Variants in ABI3BP observed in about 807,000 individuals in gnomAD.
ABI3BP encodes the protein ABI family member 3 binding protein, also known as target of Nesh-SH3.
ABI3BP carries 216 observed loss-of-function variants against 268.6 expected under a neutral mutation model. The ratio of observed to expected loss-of-function variants is 0.80; its 90% CI spans 0.72 to 0.90. ABI3BP has a LOEUF of 0.90. ABI3BP is among the 40% of genes least tolerant of loss of function. The pLI is 0.00. For missense variants in ABI3BP, 2,090 were observed against 2,182.4 expected (o/e 0.96, Z 0.84); for synonymous variants, 730 against 730.0 (o/e 1.00, Z 0.00).
intron 4 of ABI3BP, among the ~76,000 whole-genome samples, chr3:100,894,327 G>A (rs1446802770): frequency 6.6e-6 from 1 of 152,136 alleles, no homozygotes; most frequent in Non-Finnish European, 1.5e-5. Context: ...GTCATGTTGA[G>A]TTTGAGGTAA....
At chr3:100,920,093 A>C (rs532736800) in intron 2 of ABI3BP, among the ~76,000 whole-genome samples, 1 of 152,282 alleles carries the variant, frequency 6.6e-6, no homozygotes, top group Non-Finnish European at 1.5e-5. Context: ...CTTGGGTATG[A>C]TAGATGGGCA....
intron 36 of ABI3BP, among the ~76,000 whole-genome samples, chr3:100,824,503 G>T (rs2098327252): frequency 6.6e-6 from 1 of 152,162 alleles, no homozygotes; most frequent in Non-Finnish European, 1.5e-5. Flanking sequence ...GCCAGCATGG[G>T]AACGGGAATA....
chr3:100,790,433 G>T lies in ABI3BP; in HGVS notation c.4025-917C>A, dbSNP rs565357275. Among the ~76,000 whole-genome samples, 13 of 152,032 alleles carry T rather than the reference G, an allele frequency of 8.6e-5. 1 individual carries two copies. The highest frequency in any genetic ancestry group is 3.1e-4 in the African/African-American group (13 of 41,492). On this transcript the variant is annotated intron_variant, in intron 55 of 67. Coordinates refer to ENST00000471714, the MANE Select transcript of ABI3BP (RefSeq NM_001375547.2). ...TGTAAGTAGATTACATCATTTTAATGATTTTATTCACATATTGAGTGGATA... is the reference window on the plus strand; with the variant it reads ...TGTAAGTAGATTACATCATTTTAATTATTTTATTCACATATTGAGTGGATA...
intron 1 of ABI3BP, among the ~76,000 whole-genome samples, chr3:100,939,287 T>G (rs1458485923): frequency 6.6e-6 from 1 of 152,126 alleles, no homozygotes; most frequent in East Asian, 1.9e-4. Context: ...GTTCAGGTTA[T>G]GCAGTGAAAA....
intron 6 of ABI3BP, among the ~76,000 whole-genome samples, chr3:100,883,579 TA>T: frequency 6.6e-6 from 1 of 152,060 alleles, no homozygotes; most frequent in East Asian, 1.9e-4. Flanking sequence ...AAAATTAAGA[TA>T]ACAATTATAA....
rs943953623 is a variant in ABI3BP at position 100,861,507 on chromosome 3, CA to C, written c.1285+803del. Among the ~76,000 whole-genome samples the C allele has an allele frequency of 4.6e-5, 7 of 152,044 alleles. No homozygotes were observed. In the East Asian group the frequency reaches 1.3e-3, roughly 29 times the overall value. On this transcript the variant is annotated intron_variant, in intron 14 of 67. Coordinates refer to ENST00000471714, the MANE Select transcript of ABI3BP (RefSeq NM_001375547.2). ...AATTAAAATACAAATAAGCAAAACA[CA>C]AAAATCATGGAAGTAATCATAAAGG... is the stretch of plus-strand genomic sequence containing the variant.
chr3:100,751,679 A>G lies in ABI3BP; in HGVS notation c.5123-5T>C. On this transcript the variant is annotated splice_region_variant and splice_polypyrimidine_tract_variant and intron_variant, in intron 66 of 67. Coordinates refer to ENST00000471714, the MANE Select transcript of ABI3BP (RefSeq NM_001375547.2). ...CACCTATGTTATAAAATTTTCCTGAAGAACCAGAAATTAAAAGGATAAAGT... is the reference window on the plus strand; with the variant it reads ...CACCTATGTTATAAAATTTTCCTGAGGAACCAGAAATTAAAAGGATAAAGT... The G allele has an allele frequency of 6.3e-7, 1 of 1,584,770 alleles. No individual in the cohort carries two copies.
intron 63 of ABI3BP, among the ~76,000 whole-genome samples, chr3:100,756,293 G>GCTC (rs1230920924): frequency 6.6e-6 from 1 of 152,210 alleles, no homozygotes; most frequent in Non-Finnish European, 1.5e-5. Context: ...GGGAGGCCGA[G>GCTC]GCAGGCAGAT....
chr3:100,967,730 C>T (rs1449979604), intron 1 of ABI3BP, among the ~76,000 whole-genome samples: 2 of 152,010 alleles, frequency 1.3e-5, no homozygotes, highest in African/African-American at 4.8e-5. Context: ...ACTAACTTGA[C>T]CTTTAAGTTT....
chr3:100,904,213 C>T (rs1435220587), intron 2 of ABI3BP, among the ~76,000 whole-genome samples: 1 of 152,142 alleles, frequency 6.6e-6, no homozygotes, highest in Non-Finnish European at 1.5e-5. Context: ...ATAACTGGGG[C>T]AGGGTTGACT....
intron 40 of ABI3BP, 81 bp from the exon 41 acceptor site, chr3:100,818,662 T>C: frequency 1.8e-6 from 2 of 1,120,302 alleles, no homozygotes; most frequent in Admixed American, 2.4e-5. Flanking sequence ...AATCAGTATA[T>C]AGCAATTTTA....
chr3:100,805,975 A>G (rs2097693813), intron 50 of ABI3BP, among the ~76,000 whole-genome samples: 1 of 152,058 alleles, frequency 6.6e-6, no homozygotes, highest in South Asian at 2.1e-4. Context: ...AGGAGCACCC[A>G]TAATTTTGAG....
chr3:100,886,316 T>C lies in ABI3BP; in HGVS notation c.469A>G (p.Thr157Ala), dbSNP rs755918331. The change falls in exon 5 of 68, where the codon ACA becomes GCA. Residue 157 changes from threonine (T) to alanine (A), a missense_variant. Transcript: ENST00000471714. ...PSHCPNDRFY[T>A]IRYREKDKEK... is the part of the protein sequence containing the mutation. ...TTATCCTTTTCTCGATAGCGAATTG[T>C]ATAAAATCTGTTGAATAACCAGAAT... The C allele has an allele frequency of 1.3e-6, 2 of 1,586,720 alleles. No homozygotes were observed. Among genetic ancestry groups the C allele is most frequent in the Middle Eastern group, 1.7e-4 (1 of 5,996 alleles).
chr3:100,828,414 C>T lies in ABI3BP; in HGVS notation c.2581G>A (p.Glu861Lys). 6.5e-7 allele frequency: 1 copy of T among 1,535,378 alleles called. No individual in the cohort carries two copies. Among genetic ancestry groups the T allele is most frequent in the Non-Finnish European group, 8.7e-7 (1 of 1,146,448 alleles). ...TTACCGAATGTTGTCCCTGGAGCCTCTTTTATAGGAGAAACTGGTTCAAAG... is the reference window on the plus strand; with the variant it reads ...TTACCGAATGTTGTCCCTGGAGCCTTTTTTATAGGAGAAACTGGTTCAAAG... The part of the protein sequence containing the change: ...TIFEPVSPIK[E>K]APGTTFVPVT... Residue 861 changes from glutamate (E) to lysine (K), a missense_variant, in exon 34 of 68, where the codon GAG (glutamate) becomes AAG (lysine). Glu to Lys is a moderately conservative substitution (Grantham distance 56, BLOSUM62 1). Transcript: ENST00000471714.
intron 59 of ABI3BP, among the ~76,000 whole-genome samples, chr3:100,775,812 C>G (rs764839861): frequency 1.8e-4 from 28 of 152,032 alleles, no homozygotes; most frequent in Non-Finnish European, 2.8e-4. Flanking sequence ...CAAGGAAGGG[C>G]AGATCATGAA....
At chr3:100,952,605 T>C (rs1268341290) in intron 1 of ABI3BP, 6 of 152,142 alleles carry the variant, frequency 3.9e-5, no homozygotes, top group African/African-American at 1.4e-4. Context: ...AGCAAATAGG[T>C]ATTTTATAAT....
intron 1 of ABI3BP, among the ~76,000 whole-genome samples, chr3:100,935,330 G>T (rs928953466): frequency 6.6e-6 from 1 of 152,126 alleles, no homozygotes; most frequent in Non-Finnish European, 1.5e-5. Context: ...CTGTTCCACT[G>T]GTCTATATAT....
intron 7 of ABI3BP, 58 bp downstream of exon 7, chr3:100,876,454 C>T: frequency 1.4e-6 from 2 of 1,436,698 alleles, no homozygotes; most frequent in Non-Finnish European, 1.9e-6. Context: ...GTTTGATTAC[C>T]TTAGCTAAAA....
In ABI3BP at chr3:100,775,403, T is replaced by C. The variant is rs1016601368; in HGVS notation, c.4334-68A>G. On this transcript the variant is annotated intron_variant, in intron 59 of 67. Transcript: ENST00000471714. ...GCCAAGTTTCCTATAAACATTTATT[T>C]ATTCCATAAATGTTTTTAAGCACTG... is the stretch of plus-strand genomic sequence containing the variant. 3.9e-6 allele frequency: 6 copies of C among 1,536,918 alleles called. No individual in the cohort carries two copies. In the African/African-American group the frequency reaches 8.3e-5, roughly 21 times the overall value.
Sources: gnomAD v4.1 joint callset for allele counts (sites outside exome capture counted in the v4.1 genomes callset) on GRCh38, gnomAD v4.1.1 for gene constraint, MANE v1.5 for transcripts, NCBI Gene and HGNC (gene_info 2026-07-23, HGNC 2026-07-21) for gene names.